The following TMEM82 variants were observed in gnomAD, a reference collection of about 807,000 sequenced individuals.
TMEM82 encodes the protein transmembrane protein 82.
A neutral mutation model predicts 29.2 loss-of-function variants in TMEM82; 30 were observed. The observed-to-expected ratio is 1.03, with a 90% CI of 0.77 to 1.39. TMEM82 has a LOEUF of 1.39. Ranked by LOEUF, TMEM82 falls within the 40% of genes most tolerant of loss-of-function variation. TMEM82 has a pLI of 0.00. For synonymous variants in TMEM82, 221 were observed against 225.4 expected, an observed-to-expected ratio of 0.98 and a Z score of 0.18; for missense variants, 442 against 447.7, an observed-to-expected ratio of 0.99 and a Z score of 0.12.
Position 15,744,185 on chromosome 1 carries a change from T to C in TMEM82, c.362T>C (p.Leu121Pro). Residue 121 changes from leucine (L) to proline (P), a missense_variant, in exon 4 of 6, where the codon CTG becomes CCG. Physicochemically the swap from Leu to Pro is moderately conservative, Grantham distance 98 (BLOSUM62 -3). Transcript: ENST00000375782. The surrounding 1 kb of genome is among the most constrained non-coding windows in gnomAD (Gnocchi z 5.2). Reference sequence around the variant, plus strand: ...GGCTCCCAGGGTGCCGCCGAGAGGCTGCAGCTCTACCTGCTGTGCCAGTAC... The same window carrying C: ...GGCTCCCAGGGTGCCGCCGAGAGGCCGCAGCTCTACCTGCTGTGCCAGTAC... ...GKGSQGAAER[L>P]QLYLLCQYSL... 1.3e-6 allele frequency: 2 copies of C among 1,580,216 alleles called. No individual in the cohort carries two copies. Among genetic ancestry groups the C allele is most frequent in the South Asian group, 1.1e-5 (1 of 87,474 alleles).
At position 15,744,946 on chromosome 1, in the gene TMEM82, G is replaced by T. The variant is rs1276471431; in HGVS notation, c.757+366G>T. Among the ~76,000 whole-genome samples the T allele has an allele frequency of 6.6e-6, 1 of 152,242 alleles. No individual in the cohort carries two copies. Among genetic ancestry groups the T allele is most frequent in the African/African-American group, 2.4e-5 (1 of 41,460 alleles). On this transcript the variant is annotated intron_variant, in intron 4 of 5. Transcript: ENST00000375782. This position sits in a 1 kb window ranked among gnomAD's most constrained non-coding sequence, Gnocchi z 5.2. ...CCCAAGGGCACAGGGAAGGGGTGAG[G>T]CTGGCCAGGTTCGAAGGGGCCTGTT...
chr1:15,746,867 A>G lies in TMEM82; in HGVS notation c.758A>G (p.Glu253Gly), dbSNP rs577371187. ...CYTLLVIYMQ[E>G]EQRQHPGLQS... Reference sequence around the variant, plus strand: ...GGTGACAGGCACCCGCATCCCACAGAGGAGCAGCGGCAGCACCCCGGCCTG... The same window carrying G: ...GGTGACAGGCACCCGCATCCCACAGGGGAGCAGCGGCAGCACCCCGGCCTG... The change falls in exon 5 of 6, where the codon GAG becomes GGG. Residue 253 changes from glutamate to glycine, a missense_variant and splice_region_variant. Transcript: ENST00000375782. 2 of 1,573,462 alleles carry G rather than the reference A, an allele frequency of 1.3e-6. No individual in the cohort carries two copies. Among genetic ancestry groups the G allele is most frequent in the Admixed American group, 3.6e-5 (2 of 55,304 alleles).
At chr1:15,745,233 G>T (rs948840605) in intron 4 of TMEM82, among the ~76,000 whole-genome samples, 3 of 152,226 alleles carry the variant, frequency 2.0e-5, no homozygotes, top group Middle Eastern at 3.4e-3. Flanking sequence ...TTGTAGAGAA[G>T]GGGTCAGCCG....
chr1:15,747,826 A>C lies in TMEM82; in HGVS notation c.*194A>C. On this transcript the variant is annotated 3_prime_UTR_variant, in exon 6 of 6. Transcript: ENST00000375782. ...GCCTCTGGAGAGGGGACACCTGGGG[A>C]CCCCTGGTTGAACCCTCTTTTTCTT... 2.0e-6 allele frequency: 1 copy of C among 490,176 alleles called. No individual in the cohort carries two copies. 30.4% of individuals were successfully genotyped at this position (490,176 alleles called of 1,614,324 possible).
chr1:15,746,797 TGG>T, intron 4 of TMEM82, 68 bp from the exon 5 acceptor site: 1 of 1,340,114 alleles, frequency 7.5e-7, no homozygotes, highest in Non-Finnish European at 1.0e-6. Flanking sequence ...CTGTGGAGGG[TGG>T]GTCAGGGAGC....
Position 15,746,918 on chromosome 1 carries a change from T to C in TMEM82, c.809T>C (p.Val270Ala). The change falls in exon 5 of 6, where the codon GTG becomes GCG. Residue 270 changes from valine to alanine, a missense_variant. Val to Ala is a moderately conservative substitution (Grantham distance 64). Transcript: ENST00000375782. ...GLQSQVQTVL[V>A]RMGGLFVLLL... is the part of the protein sequence containing the mutation. Reference sequence around the variant, plus strand: ...CAGAGCCAGGTGCAGACGGTGCTGGTGCGCATGGGCGGCCTCTTCGTGCTG... The same window carrying C: ...CAGAGCCAGGTGCAGACGGTGCTGGCGCGCATGGGCGGCCTCTTCGTGCTG... 6.2e-7 allele frequency: 1 copy of C among 1,606,786 alleles called. No individual in the cohort carries two copies. Among genetic ancestry groups the C allele is most frequent in the Non-Finnish European group, 8.5e-7 (1 of 1,179,480 alleles).
rs964599548 is a variant in TMEM82 at position 15,744,798 on chromosome 1, C to T, written c.757+218C>T. 1.3e-5 allele frequency among the ~76,000 whole-genome samples: 2 copies of T among 152,146 alleles called. No individual in the cohort carries two copies. Among genetic ancestry groups the T allele is most frequent in the African/African-American group, 4.8e-5 (2 of 41,420 alleles). On this transcript the variant is annotated intron_variant, in intron 4 of 5. Transcript: ENST00000375782. The surrounding 1 kb of genome is among the most constrained non-coding windows in gnomAD (Gnocchi z 5.2). ...GGGCTTTGAAGGATGAGCAGGAGAT[C>T]CCTAAGAGAAGCGAGGCAGGGAACA...
intron 3 of TMEM82, among the ~76,000 whole-genome samples, 179 bp downstream of exon 3, chr1:15,743,373 A>T (rs72883914): frequency 0.019 from 2,963 of 152,332 alleles, 112 homozygotes; most frequent in African/African-American, 0.068. Context: ...AAGCGGCCAC[A>T]CTCACAGTGG....
chr1:15,746,658 T>C (rs1044576864), intron 4 of TMEM82, among the ~76,000 whole-genome samples: 6 of 151,644 alleles, frequency 4.0e-5, no homozygotes, highest in East Asian at 1.9e-4. Context: ...CCTGGACCAG[T>C]TGGAGGCCTG....
chr1:15,744,177 C>G lies in TMEM82; in HGVS notation c.354C>G (p.Ala118=). ...LSLGKGSQGA[A]ERLQLYLLCQ... ...CCCCGCAGGGCTCCCAGGGTGCCGCCGAGAGGCTGCAGCTCTACCTGCTGT... is the reference window on the plus strand; with the variant it reads ...CCCCGCAGGGCTCCCAGGGTGCCGCGGAGAGGCTGCAGCTCTACCTGCTGT... The change falls in exon 4 of 6, where the codon GCC becomes GCG. Residue 118 remains alanine (A), a synonymous_variant. Coordinates refer to ENST00000375782, the MANE Select transcript of TMEM82 (RefSeq NM_001013641.3). This position sits in a 1 kb window ranked among gnomAD's most constrained non-coding sequence, Gnocchi z 5.2. 1 of 1,568,554 alleles carries G rather than the reference C, an allele frequency of 6.4e-7. No homozygotes were observed. Among genetic ancestry groups the G allele is most frequent in the Non-Finnish European group, 8.6e-7 (1 of 1,160,810 alleles).
intron 5 of TMEM82, 23 bp downstream of exon 5, chr1:15,747,077 TCCCCCAGACAATGAA>T (rs1312481085): frequency 6.3e-7 from 1 of 1,592,834 alleles, no homozygotes; most frequent in South Asian, 1.1e-5. Flanking sequence ...ATCCCATGTG[TCCCCCAGACAATGAA>T]CCCTGCTTCA....
Position 15,744,994 on chromosome 1 carries a change from G to A in TMEM82, c.757+414G>A, listed in dbSNP as rs1331365842. On this transcript the variant is annotated intron_variant, in intron 4 of 5. Coordinates refer to ENST00000375782, the MANE Select transcript of TMEM82 (RefSeq NM_001013641.3). The surrounding 1 kb of genome is among the most constrained non-coding windows in gnomAD (Gnocchi z 5.2). ...GTTGGAGAGCCCTCAACAGCCAGGCGGGGAAGTCTGATGAGAGGCTGCTGT... is the reference window on the plus strand; with the variant it reads ...GTTGGAGAGCCCTCAACAGCCAGGCAGGGAAGTCTGATGAGAGGCTGCTGT... Among the ~76,000 whole-genome samples the A allele has an allele frequency of 2.0e-5, 3 of 152,190 alleles. No homozygotes were observed. The highest frequency in any genetic ancestry group is 7.2e-5 in the African/African-American group (3 of 41,450).
chr1:15,742,713 A>G, intron 1 of TMEM82, 66 bp downstream of exon 1: 2 of 1,505,710 alleles, frequency 1.3e-6, no homozygotes, highest in Admixed American at 1.8e-5. Context: ...TGCAGGGTGG[A>G]CCCCACCCAC....
intron 4 of TMEM82, among the ~76,000 whole-genome samples, chr1:15,746,160 TA>T (rs1370511851): frequency 1.3e-5 from 2 of 151,226 alleles, no homozygotes; most frequent in Non-Finnish European, 2.9e-5. Flanking sequence ...GCCTCCCAAG[TA>T]GCTGGACTCT....
At chr1:15,743,279 G>A in intron 3 of TMEM82, 85 bp downstream of exon 3, 1 of 1,409,124 alleles carries the variant, frequency 7.1e-7, no homozygotes, top group South Asian at 1.3e-5. Context: ...GCAGGGCCCA[G>A]GTCCAGCATC....
intron 4 of TMEM82, among the ~76,000 whole-genome samples, chr1:15,745,993 G>A (rs1461185319): frequency 2.0e-5 from 3 of 151,382 alleles, no homozygotes; most frequent in African/African-American, 2.4e-5. Flanking sequence ...CCGAAGTGCT[G>A]GGATTACAGG....
Position 15,744,199 on chromosome 1 carries a change from C to T in TMEM82, c.376C>T (p.Leu126=), listed in dbSNP as rs1375860428. 6.3e-7 allele frequency: 1 copy of T among 1,589,778 alleles called. No homozygotes were observed. The highest frequency in any genetic ancestry group is 1.7e-5 in the Admixed American group (1 of 58,670). ...CGCCGAGAGGCTGCAGCTCTACCTGCTGTGCCAGTACTCGCTGGGCTGCGG... is the reference window on the plus strand; with the variant it reads ...CGCCGAGAGGCTGCAGCTCTACCTGTTGTGCCAGTACTCGCTGGGCTGCGG... ...GAAERLQLYL[L]CQYSLGCGLT... is the part of the protein sequence containing the mutation. Residue 126 remains leucine (L), a synonymous_variant, in exon 4 of 6, where the codon CTG becomes TTG. Coordinates refer to ENST00000375782, the MANE Select transcript of TMEM82 (RefSeq NM_001013641.3). The surrounding 1 kb of genome is among the most constrained non-coding windows in gnomAD (Gnocchi z 5.2).
chr1:15,742,835 G>T lies in TMEM82; in HGVS notation c.89G>T (p.Gly30Val). Reference sequence around the variant, plus strand: ...CGCTGCCTCCCTCCCGCCCCCTCAGGCCTGATCGGGGCCCTTGGAGTCTTG... The same window carrying T: ...CGCTGCCTCCCTCCCGCCCCCTCAGTCCTGATCGGGGCCCTTGGAGTCTTG... ...GSSLLDSLLQ[G>V]LIGALGVLVL... The change falls in exon 2 of 6, where the codon GGC becomes GTC. Residue 30 changes from glycine to valine, a missense_variant and splice_region_variant. Physicochemically the swap from Gly to Val is moderately radical, Grantham distance 109. Coordinates refer to ENST00000375782, the MANE Select transcript of TMEM82 (RefSeq NM_001013641.3). 1 of 1,612,480 alleles carries T rather than the reference G, an allele frequency of 6.2e-7. No individual in the cohort carries two copies.
chr1:15,745,672 C>T (rs2068329715), intron 4 of TMEM82, among the ~76,000 whole-genome samples: 1 of 151,780 alleles, frequency 6.6e-6, no homozygotes. Flanking sequence ...GCAGGTGGAT[C>T]ACCTGAGGTC....
Sources: gnomAD v4.1 joint callset for allele counts (sites outside exome capture counted in the v4.1 genomes callset) on GRCh38, gnomAD v4.1.1 for gene constraint, Gnocchi (gnomAD v3.1) non-coding constraint, MANE v1.5 for transcripts, NCBI Gene and HGNC (gene_info 2026-07-23, HGNC 2026-07-21) for gene names.